Variants in MYO16 observed in about 807,000 individuals in gnomAD.
MYO16 encodes the protein unconventional myosin-XVI.
MYO16 carries 94 observed loss-of-function variants against 205.3 expected under a neutral mutation model. The observed-to-expected ratio is 0.46, with a 90% CI of 0.39 to 0.54. MYO16 has a LOEUF of 0.54. Ranked by LOEUF, MYO16 falls within the 20% of genes least tolerant of loss-of-function variation. MYO16 has a pLI of 0.00. For synonymous variants in MYO16, 988 were observed against 954.0 expected (o/e 1.04, Z -0.66); for missense variants, 2,315 against 2,387.5 (o/e 0.97, Z 0.63).
chr13:108,792,163 T>C (rs991945480), intron 5 of MYO16, among the ~76,000 whole-genome samples: 2 of 152,324 alleles, frequency 1.3e-5, no homozygotes, highest in South Asian at 2.1e-4. Flanking sequence ...GGTTAAAATA[T>C]ATGCTGAGTA....
At chr13:108,805,293 T>C (rs1003367526) in intron 6 of MYO16, among the ~76,000 whole-genome samples, 1 of 152,144 alleles carries the variant, frequency 6.6e-6, no homozygotes, top group Non-Finnish European at 1.5e-5. Flanking sequence ...AACAGTGTCT[T>C]CATTTAGATG....
At chr13:109,158,560 T>C (rs1305011163) in intron 32 of MYO16, among the ~76,000 whole-genome samples, 1 of 152,180 alleles carries the variant, frequency 6.6e-6, no homozygotes, top group Admixed American at 6.5e-5. Context: ...TGACGTTGCC[T>C]TTGTAGTCTC....
the MYO16 span, among the ~76,000 whole-genome samples, chr13:108,555,253 ATG>A: frequency 6.6e-6 from 1 of 152,200 alleles, no homozygotes; most frequent in Non-Finnish European, 1.5e-5. Context: ...TATATGTGAG[ATG>A]TGATAGATCC....
Position 108,737,921 on chromosome 13 carries a change from T to C in MYO16, c.507+10338T>C, listed in dbSNP as rs527907865. On this transcript the variant is annotated intron_variant, in intron 4 of 34. Coordinates refer to ENST00000457511, the MANE Select transcript of MYO16 (RefSeq NM_001198950.3). ...TCTTCTAGATTTTCTAGTTTATTTGTGTAGAGGTGTTTATAATATTCTCTG... is the reference window on the plus strand; with the variant it reads ...TCTTCTAGATTTTCTAGTTTATTTGCGTAGAGGTGTTTATAATATTCTCTG... Among the ~76,000 whole-genome samples, 603 of 152,250 alleles carry C rather than the reference T, an allele frequency of 4.0e-3. 6 individuals are homozygous for C. Among genetic ancestry groups the C allele is most frequent in the African/African-American group, 0.014 (579 of 41,552 alleles).
At chr13:108,902,222 G>A (rs765861718) in intron 15 of MYO16, among the ~76,000 whole-genome samples, 30 of 152,156 alleles carry the variant, frequency 2.0e-4, no homozygotes, top group African/African-American at 5.3e-4. Context: ...CGTCTGCCAC[G>A]CACTCTCTCA....
intron 27 of MYO16, among the ~76,000 whole-genome samples, chr13:109,073,244 G>A (rs1484697687): frequency 6.6e-6 from 1 of 150,882 alleles, no homozygotes; most frequent in Non-Finnish European, 1.5e-5. Flanking sequence ...TAGGATTACA[G>A]GCACATGAGA....
intron 27 of MYO16, among the ~76,000 whole-genome samples, chr13:109,079,223 C>A (rs779259850): frequency 7.2e-5 from 11 of 152,124 alleles, no homozygotes; most frequent in Non-Finnish European, 1.5e-4. Context: ...AGGTCACTGA[C>A]TTCATTGTCT....
rs1480600969 is a variant in MYO16, at chr13:109,005,211, A to T, written c.2443-3686A>T. On this transcript the variant is annotated intron_variant, in intron 21 of 34. Coordinates refer to ENST00000457511, the MANE Select transcript of MYO16 (RefSeq NM_001198950.3). ...TTAGGTTTAAAATGACTTCTATGAC[A>T]ACCACAACATGGCAAGTTCTTCTTT... Among the ~76,000 whole-genome samples, 11 of 152,340 alleles carry T rather than the reference A, an allele frequency of 7.2e-5. No homozygotes were observed. The East Asian group carries it at 1.7e-3, about 24-fold the overall frequency.
chr13:108,828,804 C>T (rs899311636), intron 9 of MYO16, among the ~76,000 whole-genome samples: 3 of 152,092 alleles, frequency 2.0e-5, no homozygotes, highest in Non-Finnish European at 2.9e-5. Flanking sequence ...ATTGAAGCTC[C>T]GTGGAGACTC....
chr13:109,058,255 G>A (rs969504797), intron 27 of MYO16, among the ~76,000 whole-genome samples: 1 of 152,072 alleles, frequency 6.6e-6, no homozygotes, highest in African/African-American at 2.4e-5. Flanking sequence ...GGGTGCCGGT[G>A]CCTTGGTGAT....
At chr13:108,964,036 G>T (rs189427090) in intron 19 of MYO16, among the ~76,000 whole-genome samples, 1 of 152,110 alleles carries the variant, frequency 6.6e-6, no homozygotes, top group African/African-American at 2.4e-5. Context: ...ACCTCAACCC[G>T]CATTGCACGT....
intron 23 of MYO16, among the ~76,000 whole-genome samples, chr13:109,026,740 C>CT (rs1241610356): frequency 2.0e-5 from 3 of 152,118 alleles, no homozygotes; most frequent in African/African-American, 7.2e-5. Flanking sequence ...TTTTCTTTGT[C>CT]TTTCCAAATC....
At position 109,162,053 on chromosome 13, in the gene MYO16, A is replaced by G. The variant is rs978478954; in HGVS notation, c.5165-2848A>G. ...AGCTGAGATCGTGCCACTGCCCTCC[A>G]GCCTGGGCAACAGAGTGAGAGACTC... On this transcript the variant is annotated intron_variant, in intron 32 of 34. Coordinates refer to ENST00000457511, the MANE Select transcript of MYO16 (RefSeq NM_001198950.3). This position sits in a 1 kb window ranked among gnomAD's most constrained non-coding sequence, Gnocchi z 4.6. 2.0e-5 allele frequency among the ~76,000 whole-genome samples: 3 copies of G among 152,258 alleles called. No homozygotes were observed. Among genetic ancestry groups the G allele is most frequent in the African/African-American group, 7.2e-5 (3 of 41,470 alleles).
At position 109,007,539 on chromosome 13, in the gene MYO16, C is replaced by CGTGTGTGTGT. The variant is rs71125360; in HGVS notation, c.2443-1319_2443-1310dup. On this transcript the variant is annotated intron_variant, in intron 21 of 34. Transcript: ENST00000457511. ...TTTGAGATAATAAGTAGAAATCAGC[C>CGTGTGTGTGT]GTGTGTGTGTGTGTGTGTGTGTGTG... Among the ~76,000 whole-genome samples the CGTGTGTGTGT allele has an allele frequency of 9.7e-5, 13 of 133,708 alleles. 1 individual carries two copies. The highest frequency in any genetic ancestry group is 2.3e-4 in the African/African-American group (8 of 34,244). The allele number at this position is 133,708 out of a possible 152,430, so 87.7% of individuals were successfully genotyped here.
At chr13:108,986,286 G>A (rs191101346) in intron 20 of MYO16, among the ~76,000 whole-genome samples, 54 of 152,226 alleles carry the variant, frequency 3.5e-4, no homozygotes, top group African/African-American at 1.2e-3. Context: ...TGCACGTTAT[G>A]TGTAAAGTTC....
chr13:109,055,268 CACA>C lies in MYO16; in HGVS notation c.3130-121_3130-119del. On this transcript the variant is annotated intron_variant, in intron 26 of 34. Transcript: ENST00000457511. This position sits in a 1 kb window ranked among gnomAD's most constrained non-coding sequence, Gnocchi z 5.0. ...ACATACACACACACACACACACACA[CACA>C]CACAGAGTAAATGCATAATGAGATT... 1.0e-6 allele frequency: 1 copy of C among 955,370 alleles called. No homozygotes were observed. The highest frequency in any genetic ancestry group is 1.6e-6 in the Non-Finnish European group (1 of 636,766). 59.2% of individuals were successfully genotyped at this position (955,370 alleles called of 1,614,324 possible).
chr13:108,550,893 A>T, the MYO16 span, among the ~76,000 whole-genome samples: 1 of 152,222 alleles, frequency 6.6e-6, no homozygotes, highest in Non-Finnish European at 1.5e-5. Flanking sequence ...ATCCACAGGC[A>T]TAATGCATGA....
At chr13:108,703,716 T>A (rs1883395488) in intron 2 of MYO16, among the ~76,000 whole-genome samples, 1 of 152,124 alleles carries the variant, frequency 6.6e-6, no homozygotes. Context: ...TCTCTCACCA[T>A]AATGGAATGA....
chr13:108,668,535 G>A lies in MYO16; in HGVS notation c.292+2386G>A, dbSNP rs553305795. 1.4e-4 allele frequency among the ~76,000 whole-genome samples: 22 copies of A among 152,310 alleles called. 1 individual carries two copies. The South Asian group carries it at 4.6e-3, about 32-fold the overall frequency. On this transcript the variant is annotated intron_variant, in intron 2 of 34. Coordinates refer to ENST00000457511, the MANE Select transcript of MYO16 (RefSeq NM_001198950.3). ...TGGGCTTCGGTGAGATGAAAACAAG[G>A]TGTCATCAGCACTGGTTCAACAATT...
Sources: allele counts gnomAD v4.1 joint callset (sites outside exome capture counted in the v4.1 genomes callset), GRCh38; gene constraint gnomAD v4.1.1; non-coding constraint Gnocchi (gnomAD v3.1); transcripts MANE v1.5; gene names NCBI Gene and HGNC (gene_info 2026-07-23, HGNC 2026-07-21).